The following VPS13B variants were observed in gnomAD, a reference collection of about 807,000 sequenced individuals.
VPS13B encodes the protein intermembrane lipid transfer protein VPS13B.
VPS13B carries 285 observed loss-of-function variants against 426.4 expected under a neutral mutation model. The observed-to-expected ratio is 0.67, with a 90% confidence interval of 0.61 to 0.74. The LOEUF is 0.74. VPS13B is among the 30% of genes least tolerant of loss of function. The pLI is 0.00. For missense variants in VPS13B, 4,537 were observed against 4,782.6 expected (o/e 0.95, Z 1.51); for synonymous variants, 1,676 against 1,676.4 (o/e 1.00, Z 0.01).
intron 39 of VPS13B, among the ~76,000 whole-genome samples, chr8:99,746,961 A>G (rs901773399): frequency 1.1e-4 from 17 of 152,140 alleles, no homozygotes; most frequent in Admixed American, 8.5e-4. Flanking sequence ...AAGGAACACC[A>G]TGACGTCCAC....
chr8:99,557,920 T>C (rs1824678436), intron 31 of VPS13B, among the ~76,000 whole-genome samples: 1 of 152,180 alleles, frequency 6.6e-6, no homozygotes, highest in Non-Finnish European at 1.5e-5. Context: ...GTATTAATTA[T>C]TTTTCTTCTG....
At chr8:99,794,209 T>C (rs1176916708) in intron 43 of VPS13B, among the ~76,000 whole-genome samples, 1 of 152,218 alleles carries the variant, frequency 6.6e-6, no homozygotes, top group Non-Finnish European at 1.5e-5. Context: ...GCAAATTCGA[T>C]GTAAGAGGCT....
At chr8:99,707,528 G>A (rs950084674) in intron 36 of VPS13B, among the ~76,000 whole-genome samples, 14 of 152,068 alleles carry the variant, frequency 9.2e-5, no homozygotes, top group Non-Finnish European at 1.9e-4. Flanking sequence ...TTCTCCCATT[G>A]ACCTCATGGT....
chr8:99,798,330 C>A (rs1199957923), intron 43 of VPS13B, among the ~76,000 whole-genome samples: 1 of 151,476 alleles, frequency 6.6e-6, no homozygotes. Context: ...TAAATGGGGT[C>A]CTAGCAGTTT....
chr8:99,143,367 G>A (rs542304655), intron 13 of VPS13B, among the ~76,000 whole-genome samples: 9 of 152,222 alleles, frequency 5.9e-5, no homozygotes, highest in African/African-American at 1.7e-4. Flanking sequence ...TATTGCACAA[G>A]TACTTTATTT....
chr8:99,640,037 G>T (rs1483046652), intron 33 of VPS13B, among the ~76,000 whole-genome samples: 6 of 111,976 alleles, frequency 5.4e-5, no homozygotes, highest in South Asian at 5.7e-4. Flanking sequence ...AGAAGAAGAA[G>T]AAGAAGAAGA....
intron 33 of VPS13B, among the ~76,000 whole-genome samples, chr8:99,596,658 C>T (rs978592996): frequency 6.6e-6 from 1 of 152,016 alleles, no homozygotes; most frequent in Non-Finnish European, 1.5e-5. Context: ...CAAACTCTGA[C>T]GTTGCGTGTA....
At chr8:99,478,447 G>GTTTTTTTTTTTTTTTTTGTT (rs1819826219) in intron 24 of VPS13B, among the ~76,000 whole-genome samples, 1 of 85,778 alleles carries the variant, frequency 1.2e-5, no homozygotes, top group African/African-American at 5.1e-5. Flanking sequence ...TTTTTGTTTT[G>GTTTTTTTTTTTTTTTTTGTT]TTTTTTTTTT....
At chr8:99,722,942 C>T (rs983246699) in intron 39 of VPS13B, among the ~76,000 whole-genome samples, 1 of 152,142 alleles carries the variant, frequency 6.6e-6, no homozygotes, top group Non-Finnish European at 1.5e-5. Flanking sequence ...GATATTAACA[C>T]ATTTATTAAC....
At chr8:99,457,968 A>G (rs1818580997) in intron 23 of VPS13B, among the ~76,000 whole-genome samples, 3 of 152,042 alleles carry the variant, frequency 2.0e-5, no homozygotes. Context: ...CACAACGTGC[A>G]GGTTTGTTAC....
chr8:99,074,015 A>C (rs1844981081), intron 3 of VPS13B, among the ~76,000 whole-genome samples: 1 of 151,812 alleles, frequency 6.6e-6, no homozygotes, highest in African/African-American at 2.4e-5. Flanking sequence ...AAGTCCTCCC[A>C]CCTTGGCCTC....
chr8:99,831,139 C>A (rs1379508385), intron 51 of VPS13B, among the ~76,000 whole-genome samples: 1 of 139,226 alleles, frequency 7.2e-6, no homozygotes, highest in Non-Finnish European at 1.5e-5. Context: ...ATGGCATGAT[C>A]TTGGCTCACT....
rs1159495304 is a variant in VPS13B at position 99,720,344 on chromosome 8, G to A, written c.6658-1G>A. 1 of 1,611,680 alleles carries A rather than the reference G, an allele frequency of 6.2e-7. No homozygotes were observed. Among genetic ancestry groups the A allele is most frequent in the Non-Finnish European group, 8.5e-7 (1 of 1,179,430 alleles). On this transcript the variant is annotated splice_acceptor_variant, in intron 37 of 61. Coordinates refer to ENST00000357162, the MANE Select transcript of VPS13B (RefSeq NM_152564.5). LOFTEE classifies it high-confidence loss of function. ...ACTAGAATTTTTTTATGATTTTAAA[G>A]GTCTTCTGGGGTCAAGAACATTTGA... is the stretch of plus-strand genomic sequence containing the variant.
At chr8:99,074,118 G>A (rs956358646) in intron 3 of VPS13B, among the ~76,000 whole-genome samples, 4 of 152,084 alleles carry the variant, frequency 2.6e-5, no homozygotes, top group African/African-American at 9.7e-5. Context: ...ACTGTGTTGA[G>A]TAAGAATGGT....
chr8:99,255,361 G>A (rs558226354), intron 17 of VPS13B, among the ~76,000 whole-genome samples: 221 of 152,104 alleles, frequency 1.5e-3, no homozygotes, highest in Non-Finnish European at 2.3e-3. Context: ...TAGTTTTACC[G>A]TCTTTGTCAT....
chr8:99,776,324 T>C (rs948900638), intron 40 of VPS13B, among the ~76,000 whole-genome samples: 1 of 152,230 alleles, frequency 6.6e-6, no homozygotes, highest in African/African-American at 2.4e-5. Context: ...AAAAGTTTTC[T>C]GTGAACAATT....
chr8:99,468,023 T>C (rs935233474), intron 24 of VPS13B, among the ~76,000 whole-genome samples: 1 of 152,222 alleles, frequency 6.6e-6, no homozygotes, highest in African/African-American at 2.4e-5. Context: ...TATTATACTT[T>C]AACTTCTAGG....
chr8:99,430,705 C>A (rs1049571141), intron 21 of VPS13B, among the ~76,000 whole-genome samples: 4 of 149,904 alleles, frequency 2.7e-5, no homozygotes, highest in African/African-American at 5.0e-5. Flanking sequence ...AAAATCCACC[C>A]CCCCCCCAAC....
intron 19 of VPS13B, among the ~76,000 whole-genome samples, chr8:99,300,116 A>C (rs1588223185): frequency 1.3e-5 from 2 of 152,250 alleles, no homozygotes; most frequent in East Asian, 3.9e-4. Context: ...ATTCTTGCCC[A>C]TAGCTGTCTT....
Sources: gnomAD v4.1 joint callset for allele counts (sites outside exome capture counted in the v4.1 genomes callset) on GRCh38, gnomAD v4.1.1 for gene constraint, MANE v1.5 for transcripts, NCBI Gene and HGNC (gene_info 2026-07-23, HGNC 2026-07-21) for gene names.